Variants in PAWR observed in about 807,000 individuals in gnomAD.
PAWR encodes the protein pro-apoptotic WT1 regulator.
Under a neutral mutation model 32.0 loss-of-function variants are expected in PAWR, and 23 were observed. The ratio of observed to expected loss-of-function variants is 0.72; its 90% CI spans 0.52 to 1.02. The LOEUF is 1.02. Ranked by LOEUF, PAWR falls within the 50% of genes least tolerant of loss-of-function variation. The pLI, the probability that PAWR is intolerant of heterozygous loss-of-function variation, is 0.00. For missense variants in PAWR, 457 were observed against 437.7 expected (o/e 1.04, Z -0.39); for synonymous variants, 226 against 187.1 (o/e 1.21, Z -1.70).
chr12:79,602,055 G>A (rs936016696), intron 4 of PAWR, among the ~76,000 whole-genome samples: 1 of 152,080 alleles, frequency 6.6e-6, no homozygotes, highest in African/African-American at 2.4e-5. Context: ...AGTTAAACTA[G>A]ATAACTCATA....
chr12:79,658,984 A>G (rs937899891), intron 2 of PAWR, among the ~76,000 whole-genome samples: 18 of 151,936 alleles, frequency 1.2e-4, no homozygotes, highest in Non-Finnish European at 2.4e-4. Context: ...AAAAAAAAAA[A>G]AAAAGAAAAA....
Position 79,664,937 on chromosome 12 carries a change from C to T in PAWR, c.516+24792G>A, listed in dbSNP as rs78961319. ...TCACTGCATTCAGCATTTACAACTA[C>T]ACAACATCTCTTCAATTTCCAACTT... is the stretch of plus-strand genomic sequence containing the variant. On this transcript the variant is annotated intron_variant, in intron 2 of 6. Coordinates refer to ENST00000328827, the MANE Select transcript of PAWR (RefSeq NM_002583.4). Among the ~76,000 whole-genome samples, 791 of 152,276 alleles carry T rather than the reference C, an allele frequency of 5.2e-3. 3 individuals are homozygous for T. The highest frequency in any genetic ancestry group is 0.017 in the Middle Eastern group (5 of 294).
chr12:79,646,062 T>C lies in PAWR; in HGVS notation c.517-24855A>G, dbSNP rs78744685. ...CTGAAATACTTGAAACCAGAAGTGT[T>C]TCGGATTTGTGTTTTTTTCAGAGTT... On this transcript the variant is annotated intron_variant, in intron 2 of 6. Transcript: ENST00000328827. Among the ~76,000 whole-genome samples, 98 of 152,312 alleles carry C rather than the reference T, an allele frequency of 6.4e-4. 1 individual carries two copies. In the East Asian group the frequency reaches 0.018, roughly 28 times the overall value.
intron 2 of PAWR, among the ~76,000 whole-genome samples, chr12:79,646,771 T>A (rs927713169): frequency 6.6e-6 from 1 of 152,234 alleles, no homozygotes; most frequent in Non-Finnish European, 1.5e-5. Context: ...ATGGTTTATG[T>A]AGTTACTTTA....
At chr12:79,623,438 T>C (rs991489862) in intron 2 of PAWR, among the ~76,000 whole-genome samples, 1 of 152,102 alleles carries the variant, frequency 6.6e-6, no homozygotes, top group Non-Finnish European at 1.5e-5. Flanking sequence ...GATTTTAACA[T>C]TAGAAAGGAG....
chr12:79,621,657 A>G (rs1161023518), intron 2 of PAWR, among the ~76,000 whole-genome samples: 1 of 152,212 alleles, frequency 6.6e-6, no homozygotes, highest in Non-Finnish European at 1.5e-5. Flanking sequence ...TTTATATTCT[A>G]TGAGCATATA....
At chr12:79,635,708 C>T (rs913128439) in intron 2 of PAWR, 2 of 152,076 alleles carry the variant, frequency 1.3e-5, no homozygotes, top group African/African-American at 4.8e-5. Flanking sequence ...TAAAACTATT[C>T]ATATTTGTGT....
At chr12:79,615,610 A>G (rs1488137092) in intron 3 of PAWR, among the ~76,000 whole-genome samples, 3 of 150,980 alleles carry the variant, frequency 2.0e-5, no homozygotes, top group African/African-American at 7.3e-5. Flanking sequence ...GCTTGTCATT[A>G]AGCAGATATC....
At chr12:79,611,654 C>T (rs1051212883) in intron 4 of PAWR, among the ~76,000 whole-genome samples, 5 of 151,496 alleles carry the variant, frequency 3.3e-5, no homozygotes, top group African/African-American at 1.2e-4. Flanking sequence ...TAAAATGGAG[C>T]TCCAAACCAA....
rs140106942 is a variant in PAWR at position 79,675,001 on chromosome 12, G to A, written c.516+14728C>T. Reference sequence around the variant, plus strand: ...CAGCCACTGTGGAAAGCAGTTTGGAGATTTCTCAATGAACTTAAAACAGAA... The same window carrying A: ...CAGCCACTGTGGAAAGCAGTTTGGAAATTTCTCAATGAACTTAAAACAGAA... On this transcript the variant is annotated intron_variant, in intron 2 of 6. Coordinates refer to ENST00000328827, the MANE Select transcript of PAWR (RefSeq NM_002583.4). Among the ~76,000 whole-genome samples, 624 of 152,278 alleles carry A rather than the reference G, an allele frequency of 4.1e-3. 12 individuals carry two copies. The highest frequency in any genetic ancestry group is 0.014 in the African/African-American group (592 of 41,550).
intron 2 of PAWR, among the ~76,000 whole-genome samples, chr12:79,632,636 T>C (rs1049826019): frequency 1.3e-5 from 2 of 151,678 alleles, no homozygotes; most frequent in African/African-American, 4.8e-5. Flanking sequence ...CACAAAGTTC[T>C]GGGATTATAG....
At chr12:79,599,335 T>C (rs956786565) in intron 4 of PAWR, among the ~76,000 whole-genome samples, 1 of 152,200 alleles carries the variant, frequency 6.6e-6, no homozygotes, top group Non-Finnish European at 1.5e-5. Context: ...AATTCACACT[T>C]TTAGTGTACT....
At chr12:79,607,192 G>C (rs1052961993) in intron 4 of PAWR, among the ~76,000 whole-genome samples, 1 of 152,064 alleles carries the variant, frequency 6.6e-6, no homozygotes, top group Admixed American at 6.6e-5. Context: ...GGGAGGCTGA[G>C]GCAGATGGAT....
intron 2 of PAWR, among the ~76,000 whole-genome samples, chr12:79,645,967 T>C (rs80304600): frequency 6.6e-6 from 1 of 152,204 alleles, no homozygotes; most frequent in Non-Finnish European, 1.5e-5. Context: ...CTCCATCTCC[T>C]GAGCCTCATT....
At chr12:79,686,639 T>C (rs768468434) in intron 2 of PAWR, among the ~76,000 whole-genome samples, 1 of 152,172 alleles carries the variant, frequency 6.6e-6, no homozygotes, top group Non-Finnish European at 1.5e-5. Flanking sequence ...TAAGAACCAC[T>C]GCATGTCGGT....
chr12:79,670,136 C>T (rs192806485), intron 2 of PAWR, among the ~76,000 whole-genome samples: 15 of 152,250 alleles, frequency 9.9e-5, no homozygotes, highest in Admixed American at 6.5e-4. Context: ...TGTATTCATT[C>T]GTTGCACCAC....
chr12:79,661,506 T>A (rs2136824141), intron 2 of PAWR, among the ~76,000 whole-genome samples: 1 of 152,186 alleles, frequency 6.6e-6, no homozygotes, highest in East Asian at 1.9e-4. Flanking sequence ...TGAAATTTTA[T>A]CATGGACATG....
Position 79,652,086 on chromosome 12 carries a change from G to C in PAWR, c.517-30879C>G, listed in dbSNP as rs188044960. Among the ~76,000 whole-genome samples, 452 of 152,200 alleles carry C rather than the reference G, an allele frequency of 3.0e-3. 3 individuals carry two copies. The highest frequency in any genetic ancestry group is 0.013 in the South Asian group (61 of 4,812). ...AAAGTAGAATGGTGGTTGGCCAGAG[G>C]GGGGTGGGAAATTAGGAGTTATTGT... On this transcript the variant is annotated intron_variant, in intron 2 of 6. Transcript: ENST00000328827.
chr12:79,598,921 G>A (rs1205251040), intron 4 of PAWR, among the ~76,000 whole-genome samples: 2 of 152,236 alleles, frequency 1.3e-5, no homozygotes, highest in East Asian at 1.9e-4. Context: ...ATTTTTAGTA[G>A]AGACAGGGTT....
Sources: gnomAD v4.1 joint callset for allele counts (sites outside exome capture counted in the v4.1 genomes callset) on GRCh38, gnomAD v4.1.1 for gene constraint, MANE v1.5 for transcripts, NCBI Gene and HGNC (gene_info 2026-07-23, HGNC 2026-07-21) for gene names.